The following CNTN1 variants were observed in gnomAD, a reference collection of about 807,000 sequenced individuals.
The protein encoded by CNTN1 is contactin 1.
Under a neutral mutation model 126.4 loss-of-function variants are expected in CNTN1, and 38 were observed. The ratio of observed to expected loss-of-function variants is 0.30; its 90% CI spans 0.23 to 0.39. The LOEUF (loss-of-function observed/expected upper bound fraction) is 0.39, where lower values mean the gene tolerates loss of function less well. Among genes scored for constraint, CNTN1 ranks in the 10% least tolerant of loss-of-function variants. The probability of loss-of-function intolerance (pLI) is 1.00; values close to 1 mark genes in which losing one functional copy is unlikely to be tolerated. For missense variants in CNTN1, 1,009 were observed against 1,248.4 expected (o/e 0.81, Z 2.89); for synonymous variants, 413 against 422.6 (o/e 0.98, Z 0.28).
At chr12:41,001,938 G>A (rs370935458) in intron 17 of CNTN1, among the ~76,000 whole-genome samples, 2 of 152,090 alleles carry the variant, frequency 1.3e-5, no homozygotes, top group East Asian at 3.9e-4. Context: ...AGCTGTAAGT[G>A]TGTGACCTTA....
chr12:40,988,883 C>T (rs1337881526), intron 16 of CNTN1, among the ~76,000 whole-genome samples: 2 of 152,080 alleles, frequency 1.3e-5, no homozygotes, highest in Non-Finnish European at 2.9e-5. Context: ...TCTGATTTTT[C>T]ACTGCTGAGA....
At chr12:40,697,517 C>T (rs556858547) in intron 1 of CNTN1, among the ~76,000 whole-genome samples, 72 of 152,240 alleles carry the variant, frequency 4.7e-4, no homozygotes, top group African/African-American at 1.6e-3. Context: ...TTAAAAAATG[C>T]TTTCTAACAC....
chr12:40,811,596 T>C (rs999329963), intron 1 of CNTN1, among the ~76,000 whole-genome samples: 1 of 151,812 alleles, frequency 6.6e-6, no homozygotes, highest in Non-Finnish European at 1.5e-5. Flanking sequence ...TGTATTTGTC[T>C]GTTTAGATTT....
intron 16 of CNTN1, among the ~76,000 whole-genome samples, chr12:40,984,827 TATATATACATGCATATATAAATGCACAAC>T (rs1435951204): frequency 1.3e-5 from 2 of 152,108 alleles, no homozygotes; most frequent in African/African-American, 4.8e-5. Flanking sequence ...AAGACAATTA[TATATATACATGCATATATAAATGCACAAC>T]ATATGTGTGA....
chr12:40,843,620 G>A (rs1942375161), intron 1 of CNTN1, among the ~76,000 whole-genome samples: 1 of 152,120 alleles, frequency 6.6e-6, no homozygotes, highest in Non-Finnish European at 1.5e-5. Context: ...TTAGGCAGTT[G>A]TGATAAGAAA....
In CNTN1 at chr12:40,943,636, C is replaced by T. The variant is rs1566002344; in HGVS notation, c.1419C>T (p.Asn473=). 2 of 1,599,878 alleles carry T rather than the reference C, an allele frequency of 1.3e-6. No homozygotes were observed. The highest frequency in any genetic ancestry group is 1.7e-6 in the Non-Finnish European group (2 of 1,167,434). ...AAGATGGTAGCTTGGAAATCAACAA[C>T]ATTACAAGGAATGATGGAGGTATCT... ...IWEDGSLEIN[N]ITRNDGGIYT... The change falls in exon 13 of 24, where the codon AAC becomes AAT. Residue 473 remains asparagine (N), a synonymous_variant. Coordinates refer to ENST00000551295, the MANE Select transcript of CNTN1 (RefSeq NM_001843.4).
chr12:40,775,853 CA>C, intron 1 of CNTN1, among the ~76,000 whole-genome samples: 1 of 151,578 alleles, frequency 6.6e-6, no homozygotes, highest in East Asian at 1.9e-4. Flanking sequence ...AACAAGTAAG[CA>C]AACAAGAAAA....
At chr12:40,729,334 T>C (rs1187440812) in intron 1 of CNTN1, 2 of 152,742 alleles carry the variant, frequency 1.3e-5, no homozygotes, top group Non-Finnish European at 2.9e-5. Flanking sequence ...GAAATTGTTA[T>C]CCTTCTCCTC....
chr12:40,863,231 T>A (rs763236048), intron 1 of CNTN1, among the ~76,000 whole-genome samples: 1 of 152,200 alleles, frequency 6.6e-6, no homozygotes, highest in African/African-American at 2.4e-5. Flanking sequence ...TGTTTATGAA[T>A]ATAAGATTCA....
chr12:41,016,639 C>T (rs767350256), intron 18 of CNTN1, 43 bp from the exon 19 acceptor site: 2 of 1,267,990 alleles, frequency 1.6e-6, no homozygotes, highest in African/African-American at 1.5e-5. Context: ...CTCCCTGTTA[C>T]CTGTATTACT....
chr12:40,836,387 A>C (rs1397889990), intron 1 of CNTN1, among the ~76,000 whole-genome samples: 3 of 151,402 alleles, frequency 2.0e-5, no homozygotes, highest in Non-Finnish European at 4.4e-5. Context: ...CATCCTCCAT[A>C]ATTGTAAATC....
At chr12:41,048,851 A>G (rs988949306) in intron 23 of CNTN1, among the ~76,000 whole-genome samples, 1 of 152,214 alleles carries the variant, frequency 6.6e-6, no homozygotes, top group Non-Finnish European at 1.5e-5. Flanking sequence ...ATGTTCTATT[A>G]TCTTCTTTGG....
Position 40,737,246 on chromosome 12 carries a change from G to GT in CNTN1, c.-77+44655dup, listed in dbSNP as rs1462318675. Among the ~76,000 whole-genome samples the GT allele has an allele frequency of 3.3e-5, 5 of 150,550 alleles. No individual in the cohort carries two copies. The East Asian group carries it at 9.8e-4, about 29-fold the overall frequency. On this transcript the variant is annotated intron_variant, in intron 1 of 23. Coordinates refer to ENST00000551295, the MANE Select transcript of CNTN1 (RefSeq NM_001843.4). ...AAAATAAATATTTACACTTGTATTA[G>GT]TCAGGGTTCTCTAGAGGGACAGAAC...
At chr12:40,810,002 T>A (rs1425696739) in intron 1 of CNTN1, among the ~76,000 whole-genome samples, 1 of 152,214 alleles carries the variant, frequency 6.6e-6, no homozygotes, top group Admixed American at 6.5e-5. Context: ...TGGATCAGTG[T>A]GCATTATTAG....
chr12:40,995,398 A>T (rs1439197437), intron 17 of CNTN1, among the ~76,000 whole-genome samples: 1 of 152,012 alleles, frequency 6.6e-6, no homozygotes. Context: ...CAGAGAGGCT[A>T]CATTTTTTTT....
intron 1 of CNTN1, among the ~76,000 whole-genome samples, chr12:40,782,664 G>A (rs1366007158): frequency 1.3e-5 from 2 of 151,862 alleles, no homozygotes; most frequent in African/African-American, 4.8e-5. Flanking sequence ...AGTAGATGGA[G>A]GTGTATGGAC....
intron 1 of CNTN1, among the ~76,000 whole-genome samples, chr12:40,863,673 A>C (rs1943190020): frequency 6.6e-6 from 1 of 152,164 alleles, no homozygotes; most frequent in Non-Finnish European, 1.5e-5. Context: ...TAGTAGCATT[A>C]GATTCTCATA....
intron 17 of CNTN1, among the ~76,000 whole-genome samples, chr12:41,008,033 G>A (rs1745361318): frequency 6.6e-6 from 1 of 152,108 alleles, no homozygotes; most frequent in African/African-American, 2.4e-5. Flanking sequence ...CCTCTGGAGT[G>A]GTAACCCTAA....
chr12:40,957,659 C>T (rs1413338453), intron 14 of CNTN1, among the ~76,000 whole-genome samples: 1 of 150,738 alleles, frequency 6.6e-6, no homozygotes, highest in Non-Finnish European at 1.5e-5. Context: ...AAAAACTCCC[C>T]TATTGCAGGA....
Sources: gnomAD v4.1 joint callset for allele counts (sites outside exome capture counted in the v4.1 genomes callset) on GRCh38, gnomAD v4.1.1 for gene constraint, MANE v1.5 for transcripts, NCBI Gene and HGNC (gene_info 2026-07-23, HGNC 2026-07-21) for gene names.